Variants in ROBO1 observed in about 807,000 individuals in gnomAD.
ROBO1 encodes the protein roundabout homolog 1.
ROBO1 carries 149 observed loss-of-function variants against 195.9 expected under a neutral mutation model. The observed-to-expected ratio is 0.76, with a 90% CI of 0.67 to 0.87. The LOEUF (loss-of-function observed/expected upper bound fraction) is 0.87, where lower values mean the gene tolerates loss of function less well. ROBO1 is among the 40% of genes least tolerant of loss of function. The pLI is 0.00. For synonymous variants in ROBO1, 816 were observed against 733.2 expected, an observed-to-expected ratio of 1.11 and a Z score of -1.82; for missense variants, 1,933 against 2,068.3, an observed-to-expected ratio of 0.93 and a Z score of 1.27.
At chr3:78,754,124 G>A (rs1345430125) in intron 4 of ROBO1, among the ~76,000 whole-genome samples, 2 of 152,300 alleles carry the variant, frequency 1.3e-5, no homozygotes, top group East Asian at 3.9e-4. Context: ...ACTCTATCTT[G>A]ATAGGGTTAT....
intron 3 of ROBO1, among the ~76,000 whole-genome samples, chr3:79,055,799 C>T (rs946749094): frequency 9.9e-5 from 15 of 151,998 alleles, no homozygotes; most frequent in Non-Finnish European, 1.5e-4. Flanking sequence ...TAATGGCGGC[C>T]GCTGCCATGC....
intron 1 of ROBO1, among the ~76,000 whole-genome samples, chr3:79,597,104 TGTGTGTGTGCCTGTGTGCATGCAC>T (rs1281442519): frequency 6.6e-6 from 1 of 150,716 alleles, no homozygotes; most frequent in African/African-American, 2.5e-5. Flanking sequence ...ACTTAATAAG[TGTGTGTGTGCCTGTGTGCATGCAC>T]GTGTGTGTGT....
chr3:78,860,315 T>C (rs981550349), intron 4 of ROBO1, among the ~76,000 whole-genome samples: 1 of 67,398 alleles, frequency 1.5e-5, no homozygotes, highest in Non-Finnish European at 3.0e-5. Context: ...TATATATATA[T>C]ATATATATAT....
At chr3:79,143,170 T>G (rs2080564011) in intron 2 of ROBO1, among the ~76,000 whole-genome samples, 1 of 152,146 alleles carries the variant, frequency 6.6e-6, no homozygotes, top group Admixed American at 6.6e-5. Flanking sequence ...CTAAACTATT[T>G]GTTAATGTTA....
rs557676652 is a variant in ROBO1 at position 79,181,411 on chromosome 3, A to G, written c.89-55872T>C. Among the ~76,000 whole-genome samples the G allele has an allele frequency of 7.2e-5, 11 of 152,312 alleles. No individual in the cohort carries two copies. The East Asian group carries it at 2.1e-3, about 29-fold the overall frequency. On this transcript the variant is annotated intron_variant, in intron 2 of 30. Transcript: ENST00000464233. Reference sequence around the variant, plus strand: ...AATATGCACCCTCAGTGCATACCCTAAACTTTGAGACTTGTACAGTCTATA... The same window carrying G: ...AATATGCACCCTCAGTGCATACCCTGAACTTTGAGACTTGTACAGTCTATA...
At chr3:78,924,911 A>G (rs1694015693) in intron 4 of ROBO1, among the ~76,000 whole-genome samples, 1 of 151,988 alleles carries the variant, frequency 6.6e-6, no homozygotes. Flanking sequence ...TTATATTTTA[A>G]AATACTTAAA....
intron 2 of ROBO1, among the ~76,000 whole-genome samples, chr3:79,308,608 A>G (rs1255827120): frequency 2.0e-5 from 3 of 152,130 alleles, no homozygotes; most frequent in Non-Finnish European, 4.4e-5. Flanking sequence ...TTAAAAAAAG[A>G]AAGCGGGGTC....
chr3:79,523,440 A>T (rs529245612), intron 2 of ROBO1, among the ~76,000 whole-genome samples: 1 of 151,538 alleles, frequency 6.6e-6, no homozygotes, highest in Non-Finnish European at 1.5e-5. Context: ...CCCACAAAAA[A>T]TAGACTTTGC....
intron 4 of ROBO1, among the ~76,000 whole-genome samples, chr3:78,799,759 T>C (rs1026146560): frequency 2.0e-5 from 3 of 152,222 alleles, no homozygotes; most frequent in African/African-American, 7.2e-5. Context: ...TGGATTATCA[T>C]TTCCTTCACT....
chr3:79,738,050 G>A (rs915569887), intron 1 of ROBO1, among the ~76,000 whole-genome samples: 1 of 152,076 alleles, frequency 6.6e-6, no homozygotes, highest in African/African-American at 2.4e-5. Context: ...AAGCCAGAGG[G>A]TACAGTTCAT....
At chr3:79,350,460 A>C (rs911294866) in intron 2 of ROBO1, among the ~76,000 whole-genome samples, 2 of 152,226 alleles carry the variant, frequency 1.3e-5, no homozygotes, top group African/African-American at 4.8e-5. Context: ...GAGAAATGAA[A>C]ACATGTCCAT....
At chr3:79,172,617 T>G (rs2081187324) in intron 2 of ROBO1, among the ~76,000 whole-genome samples, 1 of 152,168 alleles carries the variant, frequency 6.6e-6, no homozygotes. Context: ...CAAACTACAT[T>G]TTTTTTCCAA....
chr3:79,353,817 G>A (rs887296634), intron 2 of ROBO1, among the ~76,000 whole-genome samples: 1 of 152,112 alleles, frequency 6.6e-6, no homozygotes. Context: ...GGCCAAGGAG[G>A]GCAGAATGCT....
intron 3 of ROBO1, among the ~76,000 whole-genome samples, chr3:79,027,009 GT>G (rs2078214053): frequency 6.6e-6 from 1 of 151,966 alleles, no homozygotes; most frequent in Non-Finnish European, 1.5e-5. Context: ...CCCACCTGTT[GT>G]TTGTTTATTC....
intron 1 of ROBO1, among the ~76,000 whole-genome samples, chr3:79,612,271 T>C (rs1288236972): frequency 3.4e-5 from 5 of 148,558 alleles, no homozygotes; most frequent in South Asian, 2.2e-4. Context: ...TGAGTGAGAA[T>C]ATGCGGTGTT....
intron 16 of ROBO1, 47 bp from the exon 17 acceptor site, chr3:78,659,854 C>A: frequency 1.3e-6 from 2 of 1,502,268 alleles, no homozygotes; most frequent in Non-Finnish European, 1.8e-6. Flanking sequence ...TGCTAGAGAA[C>A]ACTGAAAGCA....
chr3:79,343,788 TGAGCAAA>T (rs1169781128), intron 2 of ROBO1, among the ~76,000 whole-genome samples: 2 of 152,138 alleles, frequency 1.3e-5, no homozygotes, highest in Non-Finnish European at 2.9e-5. Flanking sequence ...GAGTGTCCTT[TGAGCAAA>T]GTCTGGGAAG....
intron 2 of ROBO1, among the ~76,000 whole-genome samples, chr3:79,290,414 ATATACTTAAG>A (rs2032175182): frequency 6.6e-6 from 1 of 152,058 alleles, no homozygotes; most frequent in African/African-American, 2.4e-5. Flanking sequence ...CTGATCCCCA[ATATACTTAAG>A]TCCCTCTCTT....
chr3:79,393,687 A>T (rs889028915), intron 2 of ROBO1, among the ~76,000 whole-genome samples: 1 of 152,198 alleles, frequency 6.6e-6, no homozygotes, highest in African/African-American at 2.4e-5. Flanking sequence ...CTGAGAAGAA[A>T]GGAGTGATTG....
Sources: allele counts gnomAD v4.1 joint callset (sites outside exome capture counted in the v4.1 genomes callset), GRCh38; gene constraint gnomAD v4.1.1; transcripts MANE v1.5; gene names NCBI Gene and HGNC (gene_info 2026-07-23, HGNC 2026-07-21).